Variants in ST8SIA3 observed in about 807,000 individuals in gnomAD.
ST8SIA3 encodes the protein ST8 alpha-N-acetyl-neuraminide alpha-2,8-sialyltransferase 3.
ST8SIA3 carries 17 observed loss-of-function variants against 34.5 expected under a neutral mutation model. The observed-to-expected ratio is 0.49, with a 90% CI of 0.34 to 0.74. ST8SIA3 has a LOEUF of 0.74. Ranked by LOEUF, ST8SIA3 falls within the 30% of genes least tolerant of loss-of-function variation. The pLI is 0.01. For synonymous variants in ST8SIA3, 172 were observed against 176.1 expected (o/e 0.98, Z 0.19); for missense variants, 354 against 467.8 (o/e 0.76, Z 2.24).
At chr18:57,353,933 CG>C in intron 1 of ST8SIA3, among the ~76,000 whole-genome samples, 1 of 152,334 alleles carries the variant, frequency 6.6e-6, no homozygotes, top group East Asian at 1.9e-4. Flanking sequence ...GAAGTGAAAT[CG>C]GACGTGGGTT....
In ST8SIA3 at chr18:57,356,917, G is replaced by GAA; in HGVS notation, c.309_310dup (p.Ile104LysfsTer8). 1 of 1,581,136 alleles carries GAA rather than the reference G, an allele frequency of 6.3e-7. No homozygotes were observed. The highest frequency in any genetic ancestry group is 8.6e-7 in the Non-Finnish European group (1 of 1,162,182). On this transcript the variant is annotated frameshift_variant, in exon 3 of 4. Transcript: ENST00000324000. LOFTEE classifies it high-confidence loss of function. Reference sequence around the variant, plus strand: ...ATGAATTTCTTTTTATTTTAGGCAAGAAATTCTTCAGCATGTCGATGTAAT... The same window carrying GAA: ...ATGAATTTCTTTTTATTTTAGGCAAGAAAAATTCTTCAGCATGTCGATGTAAT...
chr18:57,352,785 C>A lies in ST8SIA3; in HGVS notation c.-62C>A. 5 of 1,346,574 alleles carry A rather than the reference C, an allele frequency of 3.7e-6. No individual in the cohort carries two copies. The highest frequency in any genetic ancestry group is 1.2e-5 in the South Asian group (1 of 85,654). 83.4% of individuals were successfully genotyped at this position (1,346,574 alleles called of 1,614,324 possible). A position where few individuals can be genotyped will look rare whatever the true frequency, so the allele number is the denominator to read the frequency against. On this transcript the variant is annotated 5_prime_UTR_variant, in exon 1 of 4. Transcript: ENST00000324000. ...ACACACACACATATATACACGCCAG[C>A]GAGCTGCTGGCCGCTCAATGGACCG...
At chr18:57,353,617 C>CCCCCG (rs2049779636) in intron 1 of ST8SIA3, among the ~76,000 whole-genome samples, 1 of 152,126 alleles carries the variant, frequency 6.6e-6, no homozygotes, top group African/African-American at 2.4e-5. Context: ...TTCTGCAATT[C>CCCCCG]CCCCGCCCCC....
intron 1 of ST8SIA3, among the ~76,000 whole-genome samples, chr18:57,353,600 C>G (rs1445217837): frequency 6.6e-6 from 1 of 152,120 alleles, no homozygotes; most frequent in Non-Finnish European, 1.5e-5. Context: ...CACCAGCTTT[C>G]CGGGATTTCT....
rs2049873422 is a variant in ST8SIA3, at chr18:57,368,472, C to T, written c.*8195C>T. On this transcript the variant is annotated 3_prime_UTR_variant, in exon 4 of 4. Coordinates refer to ENST00000324000, the MANE Select transcript of ST8SIA3 (RefSeq NM_015879.3). ...TACCGTGATTCCCTGCCCGCTCACC[C>T]CGTCACTCAACACTTGATGCATTTG... 1 of 152,178 alleles carries T rather than the reference C, an allele frequency of 6.6e-6. No homozygotes were observed. The highest frequency in any genetic ancestry group is 1.5e-5 in the Non-Finnish European group (1 of 68,030). 9.4% of individuals were successfully genotyped at this position (152,178 alleles called of 1,614,324 possible). A position where few individuals can be genotyped will look rare whatever the true frequency, so the allele number is the denominator to read the frequency against.
chr18:57,354,528 G>A lies in ST8SIA3; in HGVS notation c.302+4G>A. On this transcript the variant is annotated splice_donor_region_variant and intron_variant, in intron 2 of 3. Coordinates refer to ENST00000324000, the MANE Select transcript of ST8SIA3 (RefSeq NM_015879.3). The stretch of plus-strand genomic sequence containing the variant: ...GGACAGCGTTTTTACATCAAAGGTA[G>A]GATAGGAGGAAAAGATCCAAAAGGT... 6.2e-7 allele frequency: 1 copy of A among 1,613,908 alleles called. No individual in the cohort carries two copies. Among genetic ancestry groups the A allele is most frequent in the Non-Finnish European group, 8.5e-7 (1 of 1,179,866 alleles).
In ST8SIA3 at chr18:57,357,332, C is replaced by A. The variant is rs2144202827; in HGVS notation, c.722C>A (p.Ala241Asp). ...CTCAGTTTAAAAAAGCTTGACGGGG[C>A]CATTCTTTGGATCCCTGCATTTTTC... The part of the protein sequence containing the change: ...FFLSLKKLDG[A>D]ILWIPAFFFH... The change falls in exon 3 of 4, where the codon GCC becomes GAC. Residue 241 changes from alanine (A) to aspartate (D), a missense_variant. This residue lies in a region of ST8SIA3 where 166 missense variants were observed against 245.2 expected (regional missense o/e 0.68). Coordinates refer to ENST00000324000, the MANE Select transcript of ST8SIA3 (RefSeq NM_015879.3). 1 of 1,613,738 alleles carries A rather than the reference C, an allele frequency of 6.2e-7. No individual in the cohort carries two copies. The highest frequency in any genetic ancestry group is 8.5e-7 in the Non-Finnish European group (1 of 1,179,984).
In ST8SIA3 at chr18:57,354,275, G is replaced by A. The variant is rs1312145831; in HGVS notation, c.180-127G>A. The A allele has an allele frequency of 5.0e-6, 6 of 1,196,382 alleles. No homozygotes were observed. The East Asian group carries it at 7.1e-5, about 14-fold the overall frequency. 74.1% of individuals were successfully genotyped at this position (1,196,382 alleles called of 1,614,324 possible). ...GCAGAGGGTGGACCAAATGAGAGGG[G>A]CTCCGGGACGGAACGGAGCCCGCAC... On this transcript the variant is annotated intron_variant, in intron 1 of 3. Coordinates refer to ENST00000324000, the MANE Select transcript of ST8SIA3 (RefSeq NM_015879.3).
rs191124976 is a variant in ST8SIA3 at position 57,355,145 on chromosome 18, A to G, written c.302+621A>G. Among the ~76,000 whole-genome samples, 224 of 152,282 alleles carry G rather than the reference A, an allele frequency of 1.5e-3. 1 individual carries two copies. Among genetic ancestry groups the G allele is most frequent in the African/African-American group, 5.2e-3 (215 of 41,560 alleles). Reference sequence around the variant, plus strand: ...AATTCCTACTAATTGTAGCGGTTTCATTTTATACACATAAGATGGTTTTGA... The same window carrying G: ...AATTCCTACTAATTGTAGCGGTTTCGTTTTATACACATAAGATGGTTTTGA... On this transcript the variant is annotated intron_variant, in intron 2 of 3. Coordinates refer to ENST00000324000, the MANE Select transcript of ST8SIA3 (RefSeq NM_015879.3).
rs963879380 is a variant in ST8SIA3 at position 57,364,177 on chromosome 18, A to G, written c.*3900A>G. On this transcript the variant is annotated 3_prime_UTR_variant, in exon 4 of 4. Transcript: ENST00000324000. ...GTAAATCATGATTTGATAAATAACAATTAAGTTACTGGTGGTTCATGCTTG... is the reference window on the plus strand; with the variant it reads ...GTAAATCATGATTTGATAAATAACAGTTAAGTTACTGGTGGTTCATGCTTG... 8 of 152,198 alleles carry G rather than the reference A, an allele frequency of 5.3e-5. No homozygotes were observed. The East Asian group carries it at 1.3e-3, about 26-fold the overall frequency. 9.4% of individuals were successfully genotyped at this position (152,198 alleles called of 1,614,324 possible).
At chr18:57,353,905 T>TC (rs1262784062) in intron 1 of ST8SIA3, among the ~76,000 whole-genome samples, 1 of 151,828 alleles carries the variant, frequency 6.6e-6, no homozygotes, top group East Asian at 1.9e-4. Flanking sequence ...CCCCCGGGGG[T>TC]CCCCAGCCAA....
chr18:57,359,120 G>A (rs1470979818), intron 3 of ST8SIA3, among the ~76,000 whole-genome samples: 2 of 152,090 alleles, frequency 1.3e-5, no homozygotes, highest in East Asian at 3.9e-4. Flanking sequence ...TGGGTTCAAT[G>A]AAAACGGGAA....
At chr18:57,354,319 C>T (rs937316684) in intron 1 of ST8SIA3, 83 bp from the exon 2 acceptor site, 1 of 1,582,682 alleles carries the variant, frequency 6.3e-7, no homozygotes, top group African/African-American at 1.3e-5. Context: ...GCCGCCCTCG[C>T]CCCAGCCGCT....
Position 57,352,787 on chromosome 18 carries a change from AGCT to A in ST8SIA3, c.-55_-53del, listed in dbSNP as rs779424531. ...ACACACACATATATACACGCCAGCGAGCTGCTGGCCGCTCAATGGACCGATTTC... is the reference window on the plus strand; with the variant it reads ...ACACACACATATATACACGCCAGCGAGCTGGCCGCTCAATGGACCGATTTC... On this transcript the variant is annotated 5_prime_UTR_variant, in exon 1 of 4. Coordinates refer to ENST00000324000, the MANE Select transcript of ST8SIA3 (RefSeq NM_015879.3). The A allele has an allele frequency of 7.6e-7, 1 of 1,315,706 alleles. No homozygotes were observed. The highest frequency in any genetic ancestry group is 1.2e-5 in the South Asian group (1 of 85,332). 81.5% of individuals were successfully genotyped at this position (1,315,706 alleles called of 1,614,324 possible).
In ST8SIA3 at chr18:57,360,402, T is replaced by G. The variant is rs922704286; in HGVS notation, c.*125T>G. The G allele has an allele frequency of 4.1e-6, 4 of 977,512 alleles. No homozygotes were observed. Among genetic ancestry groups the G allele is most frequent in the Non-Finnish European group, 5.9e-6 (4 of 680,140 alleles). The allele number at this position is 977,512 out of a possible 1,614,324, so 60.6% of individuals were successfully genotyped here. ...TGTCTGCCATTTAAAAGGAAAGATG[T>G]CTTTTCTCTTTTGCACTGCTCTTTT... On this transcript the variant is annotated 3_prime_UTR_variant, in exon 4 of 4. Transcript: ENST00000324000.
rs754130434 is a variant in ST8SIA3 at position 57,352,647 on chromosome 18, G to T, written c.-200G>T. ...CCTACGGGGTCCCGCTGCTCTCCGG[G>T]GCTCCTGCCAGCCCCAACCCCCGGC... On this transcript the variant is annotated 5_prime_UTR_variant, in exon 1 of 4. Transcript: ENST00000324000. The T allele has an allele frequency of 1.7e-6, 1 of 583,874 alleles. No homozygotes were observed. The highest frequency in any genetic ancestry group is 1.7e-5 in the South Asian group (1 of 60,202). The allele number at this position is 583,874 out of a possible 1,614,324, so 36.2% of individuals were successfully genotyped here. A position where few individuals can be genotyped will look rare whatever the true frequency, so the allele number is the denominator to read the frequency against.
chr18:57,360,248 A>G lies in ST8SIA3; in HGVS notation c.1114A>G (p.Thr372Ala). The G allele has an allele frequency of 6.2e-7, 1 of 1,614,060 alleles. No homozygotes were observed. Among genetic ancestry groups the G allele is most frequent in the Non-Finnish European group, 8.5e-7 (1 of 1,179,986 alleles). ...GTACCGAATGCATGGGGAAGGGCTC[A>G]CCAAGCTGACTCTGTCACACTGTGC... Reference protein sequence around the residue: ...LLYRMHGEGLTKLTLSHCA With the variant: ...LLYRMHGEGLAKLTLSHCA The change falls in exon 4 of 4, where the codon ACC becomes GCC. Residue 372 changes from threonine (T) to alanine (A), a missense_variant. Thr to Ala is a moderately conservative substitution (Grantham distance 58). Around this residue, in one of 3 missense-constraint regions of ST8SIA3, gnomAD observed 166 missense variants for 245.2 expected, o/e 0.68. Coordinates refer to ENST00000324000, the MANE Select transcript of ST8SIA3 (RefSeq NM_015879.3).
intron 2 of ST8SIA3, among the ~76,000 whole-genome samples, chr18:57,355,201 A>T (rs182965840): frequency 6.6e-6 from 1 of 152,212 alleles, no homozygotes; most frequent in Admixed American, 6.5e-5. Flanking sequence ...AAGAAGGATG[A>T]GATTTGTTCA....
chr18:57,359,512 G>A (rs901155797), intron 3 of ST8SIA3, among the ~76,000 whole-genome samples: 4 of 152,110 alleles, frequency 2.6e-5, no homozygotes, highest in Admixed American at 6.5e-5. Context: ...AGGAAGAGAC[G>A]GAGGAGTTTC....
Sources: allele counts gnomAD v4.1 joint callset (sites outside exome capture counted in the v4.1 genomes callset), GRCh38; gene constraint gnomAD v4.1.1; regional missense constraint gnomAD v4.1.1; transcripts MANE v1.5; gene names NCBI Gene and HGNC (gene_info 2026-07-23, HGNC 2026-07-21).